MSRA: variants seen among roughly 807,000 people sequenced by gnomAD.
The protein encoded by MSRA is mitochondrial peptide methionine sulfoxide reductase.
A neutral mutation model predicts 31.3 loss-of-function variants in MSRA; 54 were observed. The observed-to-expected ratio is 1.73, with a 90% CI of 1.39 to 2.17. The LOEUF is 2.17. MSRA is among the 30% of genes most tolerant of loss of function. The pLI is 0.00. For synonymous variants in MSRA, 169 were observed against 116.5 expected (o/e 1.45, Z -2.90); for missense variants, 507 against 300.9 (o/e 1.69, Z -5.07).
At chr8:10,071,075 T>A (rs139509229) in intron 1 of MSRA, among the ~76,000 whole-genome samples, 332 of 152,328 alleles carry the variant, frequency 2.2e-3, no homozygotes, top group African/African-American at 7.9e-3. Context: ...CATAAGAAAC[T>A]GCCAAACTGT....
intron 5 of MSRA, among the ~76,000 whole-genome samples, chr8:10,399,158 A>G (rs1459093535): frequency 6.6e-6 from 1 of 152,262 alleles, no homozygotes; most frequent in East Asian, 1.9e-4. Context: ...AATATTTATC[A>G]GCACCTGCTG....
chr8:10,128,707 G>A (rs1014800151), intron 1 of MSRA, among the ~76,000 whole-genome samples: 8 of 152,204 alleles, frequency 5.3e-5, no homozygotes, highest in African/African-American at 1.2e-4. Flanking sequence ...AGCAGCTACA[G>A]TAGTGTATCT....
intron 2 of MSRA, among the ~76,000 whole-genome samples, chr8:10,237,406 C>T (rs1040031825): frequency 6.6e-6 from 1 of 152,156 alleles, no homozygotes; most frequent in Non-Finnish European, 1.5e-5. Flanking sequence ...TATATGTTGA[C>T]TAAATTTACA....
intron 3 of MSRA, among the ~76,000 whole-genome samples, chr8:10,288,249 T>A (rs1049659952): frequency 6.6e-6 from 1 of 152,176 alleles, no homozygotes; most frequent in Non-Finnish European, 1.5e-5. Context: ...TCCCCTTCCA[T>A]TAAATTTAAT....
intron 4 of MSRA, among the ~76,000 whole-genome samples, chr8:10,316,571 T>TCC (rs1342004438): frequency 1.6e-5 from 2 of 123,696 alleles, no homozygotes; most frequent in Non-Finnish European, 3.4e-5. Context: ...TCTCTCTCTC[T>TCC]CTCCTTCCTC....
intron 1 of MSRA, among the ~76,000 whole-genome samples, chr8:10,101,945 C>T (rs1386202241): frequency 6.6e-6 from 1 of 152,076 alleles, no homozygotes; most frequent in African/African-American, 2.4e-5. Flanking sequence ...TTTTTCAGCG[C>T]AACTTCAGTT....
chr8:10,401,396 A>T (rs1807454309), intron 5 of MSRA, among the ~76,000 whole-genome samples: 1 of 152,214 alleles, frequency 6.6e-6, no homozygotes, highest in South Asian at 2.1e-4. Context: ...TATCAAAACA[A>T]AACAAAACAG....
At chr8:10,400,605 T>G (rs1441643812) in intron 5 of MSRA, among the ~76,000 whole-genome samples, 1 of 151,882 alleles carries the variant, frequency 6.6e-6, no homozygotes, top group African/African-American at 2.4e-5. Flanking sequence ...CCGAGAGATG[T>G]AGGGCATGGA....
At chr8:10,420,814 T>C (rs1033003166) in intron 5 of MSRA, among the ~76,000 whole-genome samples, 1 of 152,146 alleles carries the variant, frequency 6.6e-6, no homozygotes, top group African/African-American at 2.4e-5. Flanking sequence ...TACAACAATG[T>C]GAATGTACTT....
At chr8:10,190,840 T>C (rs1263063411) in intron 1 of MSRA, among the ~76,000 whole-genome samples, 1 of 152,202 alleles carries the variant, frequency 6.6e-6, no homozygotes, top group African/African-American at 2.4e-5. Context: ...TCCTCCTTTC[T>C]TTACTCATCC....
chr8:10,063,226 G>A (rs533125311), intron 1 of MSRA, among the ~76,000 whole-genome samples: 46 of 152,282 alleles, frequency 3.0e-4, no homozygotes, highest in Admixed American at 1.6e-3. Context: ...CTACATTTGA[G>A]TTGTCCTTCC....
At chr8:10,374,933 G>A (rs1485079016) in intron 5 of MSRA, among the ~76,000 whole-genome samples, 1 of 152,080 alleles carries the variant, frequency 6.6e-6, no homozygotes, top group African/African-American at 2.4e-5. Flanking sequence ...AAAAGAGCTT[G>A]GACCCTCCTC....
intron 5 of MSRA, among the ~76,000 whole-genome samples, chr8:10,403,673 C>T (rs1249891605): frequency 6.6e-6 from 1 of 152,254 alleles, no homozygotes; most frequent in Non-Finnish European, 1.5e-5. Flanking sequence ...GGGTGCTTTG[C>T]ACAACTGTGG....
At chr8:10,347,827 CT>C (rs907837166) in intron 5 of MSRA, among the ~76,000 whole-genome samples, 1 of 152,204 alleles carries the variant, frequency 6.6e-6, no homozygotes, top group African/African-American at 2.4e-5. Flanking sequence ...AGTTCCTCCC[CT>C]CCTTTCTGCT....
At chr8:10,211,978 G>A (rs939510613) in intron 2 of MSRA, among the ~76,000 whole-genome samples, 9 of 151,984 alleles carry the variant, frequency 5.9e-5, no homozygotes, top group Admixed American at 6.6e-5. Flanking sequence ...GAGGGCAGGG[G>A]ATTCCAAGCT....
chr8:10,137,352 G>A, intron 1 of MSRA, among the ~76,000 whole-genome samples: 1 of 152,058 alleles, frequency 6.6e-6, no homozygotes. Context: ...ATTTTTCACG[G>A]CCATCATCTG....
At chr8:10,276,535 G>A (rs959068703) in intron 3 of MSRA, among the ~76,000 whole-genome samples, 2 of 152,192 alleles carry the variant, frequency 1.3e-5, no homozygotes, top group Non-Finnish European at 2.9e-5. Context: ...AAATTATTTC[G>A]AAAATTGAAG....
intron 3 of MSRA, among the ~76,000 whole-genome samples, chr8:10,274,361 G>A (rs1205880593): frequency 6.6e-6 from 1 of 152,182 alleles, no homozygotes; most frequent in Non-Finnish European, 1.5e-5. Flanking sequence ...ACCAAGACCA[G>A]GGACAGTTAT....
intron 5 of MSRA, among the ~76,000 whole-genome samples, chr8:10,369,264 AC>A (rs1210259042): frequency 2.6e-5 from 4 of 151,666 alleles, no homozygotes; most frequent in African/African-American, 4.9e-5. Context: ...AAAAAAAAAA[AC>A]GAAGAAGAAA....
Sources: gnomAD v4.1 joint callset for allele counts (sites outside exome capture counted in the v4.1 genomes callset) on GRCh38, gnomAD v4.1.1 for gene constraint, MANE v1.5 for transcripts, NCBI Gene and HGNC (gene_info 2026-07-23, HGNC 2026-07-21) for gene names.